Variants in ARHGAP18 observed in about 807,000 individuals in gnomAD.
ARHGAP18 encodes Rho GTPase activating protein 18, also known as rho GTPase-activating protein 18.
Under a neutral mutation model 86.2 loss-of-function variants are expected in ARHGAP18, and 67 were observed. That is an observed-to-expected ratio of 0.78 (90% CI 0.64 to 0.95). The LOEUF is 0.95. Ranked by LOEUF, ARHGAP18 falls within the 40% of genes least tolerant of loss-of-function variation. The pLI, the probability that ARHGAP18 is intolerant of heterozygous loss-of-function variation, is 0.00. For missense variants in ARHGAP18, 691 were observed against 780.4 expected (o/e 0.89, Z 1.37); for synonymous variants, 283 against 280.4 (o/e 1.01, Z -0.09).
Position 129,618,720 on chromosome 6 carries a change from T to G in ARHGAP18, c.919A>C (p.Lys307Gln), listed in dbSNP as rs1371006187. The G allele has an allele frequency of 6.2e-7, 1 of 1,606,734 alleles. No homozygotes were observed. Among genetic ancestry groups the G allele is most frequent in the Non-Finnish European group, 8.5e-7 (1 of 1,176,718 alleles). The change falls in exon 6 of 15, where the codon AAA (lysine) becomes CAA (glutamine). Residue 307 changes from lysine (K) to glutamine (Q), a missense_variant. By Grantham distance (53) the Lys-to-Gln change is moderately conservative. Transcript: ENST00000368149. Reference protein sequence around the residue: ...ALYDVLGIELKQQKAVKIKTK... With the variant: ...ALYDVLGIELQQQKAVKIKTK... ...TTGATTTTCACAGCTTTTTGTTGTT[T>G]CAGCTCAATACCCAATACATCATAG...
At chr6:129,594,757 C>T (rs770915511) in intron 12 of ARHGAP18, among the ~76,000 whole-genome samples, 10 of 152,184 alleles carry the variant, frequency 6.6e-5, no homozygotes, top group Non-Finnish European at 1.3e-4. Flanking sequence ...CCAGTATCCA[C>T]ATGTTGCAGG....
intron 1 of ARHGAP18, among the ~76,000 whole-genome samples, chr6:129,669,795 A>G (rs1259705528): frequency 6.6e-6 from 1 of 151,768 alleles, no homozygotes; most frequent in Non-Finnish European, 1.5e-5. Flanking sequence ...AAAAAAAAAT[A>G]AATAAATTCA....
intron 1 of ARHGAP18, among the ~76,000 whole-genome samples, chr6:129,691,887 G>A (rs559828510): frequency 6.6e-6 from 1 of 152,298 alleles, no homozygotes; most frequent in East Asian, 1.9e-4. Context: ...TTCCTGCTCA[G>A]CCCACACTGG....
chr6:129,605,813 C>T, intron 10 of ARHGAP18, 64 bp downstream of exon 10: 1 of 1,445,976 alleles, frequency 6.9e-7, no homozygotes, highest in Admixed American at 1.7e-5. Context: ...TGTTTTGCCA[C>T]AAATAATGAA....
At chr6:129,694,110 C>A (rs1440391776) in intron 1 of ARHGAP18, among the ~76,000 whole-genome samples, 1 of 152,132 alleles carries the variant, frequency 6.6e-6, no homozygotes, top group East Asian at 1.9e-4. Flanking sequence ...CTCCAAATAC[C>A]AAAGGGAGTA....
intron 1 of ARHGAP18, among the ~76,000 whole-genome samples, chr6:129,671,787 C>CAAT (rs2114528543): frequency 6.6e-6 from 1 of 152,240 alleles, no homozygotes; most frequent in East Asian, 1.9e-4. Context: ...TCAGGAATGC[C>CAAT]AAATAGGTCA....
intron 12 of ARHGAP18, 89 bp downstream of exon 12, chr6:129,599,127 G>A: frequency 8.8e-7 from 1 of 1,135,906 alleles, no homozygotes; most frequent in Non-Finnish European, 1.2e-6. Context: ...GTGGCAGAAA[G>A]TCATACTATG....
intron 1 of ARHGAP18, among the ~76,000 whole-genome samples, chr6:129,674,468 C>T (rs72986986): frequency 0.044 from 6,637 of 152,296 alleles, 204 homozygotes; most frequent in Admixed American, 0.073. Context: ...CAGCTCTCCA[C>T]GTCCATGAGT....
chr6:129,647,624 CAGA>C (rs1179102386), intron 1 of ARHGAP18, among the ~76,000 whole-genome samples: 1 of 151,056 alleles, frequency 6.6e-6, no homozygotes, highest in South Asian at 2.1e-4. Context: ...CAGTATAAGA[CAGA>C]AGAATAAAAT....
At chr6:129,672,449 T>A (rs1029738596) in intron 1 of ARHGAP18, among the ~76,000 whole-genome samples, 5 of 152,232 alleles carry the variant, frequency 3.3e-5, no homozygotes, top group African/African-American at 1.2e-4. Flanking sequence ...ACATTACCCA[T>A]TATGTGTAAC....
chr6:129,583,993 T>C lies in ARHGAP18; in HGVS notation c.1833A>G (p.Gln611=), dbSNP rs1788340022. The C allele has an allele frequency of 6.2e-7, 1 of 1,613,468 alleles. No individual in the cohort carries two copies. Among genetic ancestry groups the C allele is most frequent in the Admixed American group, 1.7e-5 (1 of 59,960 alleles). The part of the protein sequence containing the change: ...ASDVLARFLS[Q]ESGVAQTLKK... ...AACACAAAACAGGCCTCTACCTTTCTTGGCTGAGAAACCTGGCAAGTACAT... is the reference window on the plus strand; with the variant it reads ...AACACAAAACAGGCCTCTACCTTTCCTGGCTGAGAAACCTGGCAAGTACAT... Residue 611 remains glutamine, a synonymous_variant, in exon 13 of 15, where the codon CAA becomes CAG. Transcript: ENST00000368149.
At chr6:129,613,482 T>C (rs2114464207) in intron 7 of ARHGAP18, among the ~76,000 whole-genome samples, 1 of 152,318 alleles carries the variant, frequency 6.6e-6, no homozygotes, top group African/African-American at 2.4e-5. Context: ...AAAGTACAAT[T>C]GTATGCTAGC....
At chr6:129,601,762 G>A (rs1228394772) in intron 10 of ARHGAP18, among the ~76,000 whole-genome samples, 2 of 151,876 alleles carry the variant, frequency 1.3e-5, no homozygotes, top group African/African-American at 2.4e-5. Flanking sequence ...GAGTAGCTGG[G>A]ACCACAGGTG....
chr6:129,634,667 AG>A (rs1450652435), intron 3 of ARHGAP18, among the ~76,000 whole-genome samples: 2 of 152,158 alleles, frequency 1.3e-5, no homozygotes, highest in Non-Finnish European at 2.9e-5. Context: ...AGGGAGGGAA[AG>A]ATGGGGAAGG....
At chr6:129,580,926 G>A (rs1000408005) in intron 13 of ARHGAP18, among the ~76,000 whole-genome samples, 1 of 152,088 alleles carries the variant, frequency 6.6e-6, no homozygotes, top group Non-Finnish European at 1.5e-5. Flanking sequence ...TTGTGCAAAT[G>A]AGGGCAGCAC....
chr6:129,591,330 CT>C (rs74319038), intron 12 of ARHGAP18, among the ~76,000 whole-genome samples: 2 of 151,954 alleles, frequency 1.3e-5, no homozygotes, highest in South Asian at 2.1e-4. Context: ...CTGTCTCCTG[CT>C]TTTTTTTCCC....
At chr6:129,691,245 G>A (rs886259768) in intron 1 of ARHGAP18, among the ~76,000 whole-genome samples, 1 of 152,152 alleles carries the variant, frequency 6.6e-6, no homozygotes, top group Non-Finnish European at 1.5e-5. Context: ...CCTTGATAAA[G>A]ACTACACAGA....
Position 129,703,309 on chromosome 6 carries a change from C to T in ARHGAP18, c.113+6715G>A, listed in dbSNP as rs72988838. Reference sequence around the variant, plus strand: ...GCATCATTAAATGCATCAATTGTTACGAGTCTTTATTGCTTCAACACTTGT... The same window carrying T: ...GCATCATTAAATGCATCAATTGTTATGAGTCTTTATTGCTTCAACACTTGT... On this transcript the variant is annotated intron_variant, in intron 1 of 14. Coordinates refer to ENST00000368149, the MANE Select transcript of ARHGAP18 (RefSeq NM_033515.3). Among the ~76,000 whole-genome samples, 570 of 152,286 alleles carry T rather than the reference C, an allele frequency of 3.7e-3. 1 individual carries two copies. Among genetic ancestry groups the T allele is most frequent in the African/African-American group, 0.013 (532 of 41,560 alleles).
intron 1 of ARHGAP18, among the ~76,000 whole-genome samples, chr6:129,707,132 C>G (rs971789907): frequency 4.0e-5 from 6 of 151,404 alleles, no homozygotes; most frequent in African/African-American, 1.2e-4. Flanking sequence ...ACTATAGAGG[C>G]TGAGGCAGGA....
Sources: allele counts gnomAD v4.1 joint callset (sites outside exome capture counted in the v4.1 genomes callset), GRCh38; gene constraint gnomAD v4.1.1; transcripts MANE v1.5; gene names NCBI Gene and HGNC (gene_info 2026-07-23, HGNC 2026-07-21).